Variants in PPP5C observed in about 807,000 individuals in gnomAD.
PPP5C encodes serine/threonine-protein phosphatase 5.
In PPP5C, 21 loss-of-function variants were observed where a neutral mutation model predicts 66.7. The observed-to-expected ratio is 0.31, with a 90% confidence interval of 0.22 to 0.45. The LOEUF (loss-of-function observed/expected upper bound fraction) is 0.45, where lower values mean the gene tolerates loss of function less well. PPP5C is among the 20% of genes least tolerant of loss of function. The probability of loss-of-function intolerance (pLI) is 1.00; values close to 1 mark genes in which losing one functional copy is unlikely to be tolerated. For missense variants in PPP5C, 464 were observed against 675.9 expected, an observed-to-expected ratio of 0.69 and a Z score of 3.48; for synonymous variants, 246 against 257.4, an observed-to-expected ratio of 0.96 and a Z score of 0.43.
chr19:46,369,875 G>A (rs1331890687), intron 2 of PPP5C, among the ~76,000 whole-genome samples: 1 of 144,560 alleles, frequency 6.9e-6, no homozygotes, highest in Non-Finnish European at 1.5e-5. Context: ...ACAGTGAGCC[G>A]AGATCAAGCC....
At position 46,390,430 on chromosome 19, in the gene PPP5C, G is replaced by C; in HGVS notation, c.*84G>C. ...CTGGGCTAGGGGCAGAGCAGGCCCCGCCCCAGGGCAATGTTGGACCCCCTT... is the reference window on the plus strand; with the variant it reads ...CTGGGCTAGGGGCAGAGCAGGCCCCCCCCCAGGGCAATGTTGGACCCCCTT... On this transcript the variant is annotated 3_prime_UTR_variant, in exon 13 of 13. Coordinates refer to ENST00000012443, the MANE Select transcript of PPP5C (RefSeq NM_006247.4). 2 of 1,541,384 alleles carry C rather than the reference G, an allele frequency of 1.3e-6. No individual in the cohort carries two copies. The highest frequency in any genetic ancestry group is 1.8e-6 in the Non-Finnish European group (2 of 1,141,970).
intron 2 of PPP5C, among the ~76,000 whole-genome samples, chr19:46,360,760 T>A (rs1972370160): frequency 6.6e-6 from 1 of 152,212 alleles, no homozygotes; most frequent in Non-Finnish European, 1.5e-5. Flanking sequence ...CCTCCCAAAG[T>A]GCCAGGATTA....
chr19:46,387,006 C>T lies in PPP5C; in HGVS notation c.905-87C>T, dbSNP rs1211618734. 7 of 1,588,598 alleles carry T rather than the reference C, an allele frequency of 4.4e-6. No homozygotes were observed. In the African/African-American group the frequency reaches 9.4e-5, roughly 21 times the overall value. ...GGCCCATGGGGGCAAGGGACGCATG[C>T]ACAGTTCTGGGCCTTGAGGGTGCCA... On this transcript the variant is annotated intron_variant, in intron 7 of 12. Transcript: ENST00000012443.
At chr19:46,350,040 C>A (rs1365506202) in intron 1 of PPP5C, among the ~76,000 whole-genome samples, 1 of 150,574 alleles carries the variant, frequency 6.6e-6, no homozygotes. Flanking sequence ...GGGGGTGGGG[C>A]TCTGGGGAGC....
chr19:46,387,955 G>A, intron 9 of PPP5C: 1 of 283,590 alleles, frequency 3.5e-6, no homozygotes. Context: ...CATATTCCAG[G>A]CTTGAGGAGG....
chr19:46,387,013 C>G, intron 7 of PPP5C, 80 bp from the exon 8 acceptor site: 1 of 1,599,544 alleles, frequency 6.3e-7, no homozygotes, highest in Non-Finnish European at 8.5e-7. Context: ...ATGCACAGTT[C>G]TGGGCCTTGA....
At chr19:46,387,802 C>A (rs114184838) in intron 9 of PPP5C, 6 of 1,099,524 alleles carry the variant, frequency 5.5e-6, no homozygotes, top group Middle Eastern at 3.8e-4. Context: ...CAGGTGCACA[C>A]GCACGTGCAC....
At position 46,384,082 on chromosome 19, in the gene PPP5C, C is replaced by A; in HGVS notation, c.798+204C>A. The A allele has an allele frequency of 8.6e-6, 5 of 578,128 alleles. No individual in the cohort carries two copies. The South Asian group carries it at 1.0e-4, about 12-fold the overall frequency. 35.8% of individuals were successfully genotyped at this position (578,128 alleles called of 1,614,324 possible). On this transcript the variant is annotated intron_variant, in intron 6 of 12. Transcript: ENST00000012443. ...CCAGGCTCGGACAGGCCTGGGCCAG[C>A]ACCCACCTGCTGTGTGACCTAAGCT...
intron 2 of PPP5C, among the ~76,000 whole-genome samples, chr19:46,361,622 G>A (rs1296271831): frequency 2.0e-5 from 3 of 147,332 alleles, no homozygotes; most frequent in Non-Finnish European, 3.0e-5. Flanking sequence ...AAAATTAGCC[G>A]GGCTTGGTGG....
At position 46,383,995 on chromosome 19, in the gene PPP5C, C is replaced by T; in HGVS notation, c.798+117C>T. On this transcript the variant is annotated intron_variant, in intron 6 of 12. Coordinates refer to ENST00000012443, the MANE Select transcript of PPP5C (RefSeq NM_006247.4). The surrounding 1 kb of genome is among the most constrained non-coding windows in gnomAD (Gnocchi z 5.0). ...AAGACGTGACCTTGGAAAGGAGAGG[C>T]CTGGCCATGCTGGGGCACCAAGGTG... The T allele has an allele frequency of 1.1e-6, 1 of 872,706 alleles. No homozygotes were observed. 54.1% of individuals were successfully genotyped at this position (872,706 alleles called of 1,614,324 possible).
In PPP5C at chr19:46,383,722, C is replaced by T. The variant is rs1972834844; in HGVS notation, c.700-58C>T. Reference sequence around the variant, plus strand: ...ACTCTTACCCTTCCCCTCACCTCTGCCCCCTCCCCACGTCTCTCTCTCGGC... The same window carrying T: ...ACTCTTACCCTTCCCCTCACCTCTGTCCCCTCCCCACGTCTCTCTCTCGGC... On this transcript the variant is annotated intron_variant, in intron 5 of 12. Transcript: ENST00000012443. The surrounding 1 kb of genome is among the most constrained non-coding windows in gnomAD (Gnocchi z 5.0). 3 of 1,388,772 alleles carry T rather than the reference C, an allele frequency of 2.2e-6. No individual in the cohort carries two copies. Among genetic ancestry groups the T allele is most frequent in the Admixed American group, 1.7e-5 (1 of 59,234 alleles). The allele number at this position is 1,388,772 out of a possible 1,614,324, so 86.0% of individuals were successfully genotyped here.
intron 2 of PPP5C, among the ~76,000 whole-genome samples, chr19:46,365,902 C>T (rs2147377101): frequency 6.6e-6 from 1 of 152,318 alleles, no homozygotes; most frequent in South Asian, 2.1e-4. Context: ...GTGACCCGGG[C>T]CTCCTGCTGT....
At position 46,376,372 on chromosome 19, in the gene PPP5C, C is replaced by T. The variant is rs1972695338; in HGVS notation, c.512-81C>T. 12 of 1,553,808 alleles carry T rather than the reference C, an allele frequency of 7.7e-6. No individual in the cohort carries two copies. The highest frequency in any genetic ancestry group is 7.0e-5 in the Admixed American group (4 of 57,434). On this transcript the variant is annotated intron_variant, in intron 3 of 12. Coordinates refer to ENST00000012443, the MANE Select transcript of PPP5C (RefSeq NM_006247.4). The surrounding 1 kb of genome is among the most constrained non-coding windows in gnomAD (Gnocchi z 5.1). ...CCTGTGTGTCCACACCCAAGTTTTC[C>T]CCATCCCTGGGAGCGAGACCCCCTT...
intron 1 of PPP5C, among the ~76,000 whole-genome samples, chr19:46,353,103 G>A (rs2110581): frequency 0.53 from 81,203 of 152,042 alleles, 21,827 homozygotes; most frequent in South Asian, 0.74. Context: ...TGCAGGTGCA[G>A]ACAGGGCATT....
At chr19:46,349,832 A>G in intron 1 of PPP5C, among the ~76,000 whole-genome samples, 1 of 151,236 alleles carries the variant, frequency 6.6e-6, no homozygotes, top group Non-Finnish European at 1.5e-5. Flanking sequence ...GCCTGGAGAG[A>G]GGGTGGACGG....
intron 2 of PPP5C, among the ~76,000 whole-genome samples, chr19:46,361,880 T>A (rs1972399109): frequency 6.6e-6 from 1 of 152,156 alleles, no homozygotes; most frequent in South Asian, 2.1e-4. Flanking sequence ...TATAAACAAA[T>A]CTATCCAATC....
At chr19:46,351,316 A>G (rs1972179747) in intron 1 of PPP5C, among the ~76,000 whole-genome samples, 1 of 152,210 alleles carries the variant, frequency 6.6e-6, no homozygotes, top group South Asian at 2.1e-4. Context: ...CGCATAGAAC[A>G]GGGCCAGGAT....
chr19:46,384,622 G>A, intron 6 of PPP5C, 182 bp from the exon 7 acceptor site: 1 of 565,570 alleles, frequency 1.8e-6, no homozygotes, highest in South Asian at 2.0e-5. Context: ...GCCACGGTGA[G>A]GAAAGGATTA....
intron 2 of PPP5C, among the ~76,000 whole-genome samples, chr19:46,370,481 C>T (rs1392277113): frequency 2.0e-5 from 3 of 152,136 alleles, no homozygotes; most frequent in Non-Finnish European, 4.4e-5. Context: ...GGTGACAGTG[C>T]CTTCTGGATA....
Sources: allele counts gnomAD v4.1 joint callset (sites outside exome capture counted in the v4.1 genomes callset), GRCh38; gene constraint gnomAD v4.1.1; non-coding constraint Gnocchi (gnomAD v3.1); transcripts MANE v1.5; gene names NCBI Gene and HGNC (gene_info 2026-07-23, HGNC 2026-07-21).